PRKN: variants seen among roughly 807,000 people sequenced by gnomAD.
The protein encoded by PRKN is parkin RBR E3 ubiquitin protein ligase.
In PRKN, 56 loss-of-function variants were observed where a neutral mutation model predicts 59.5. The observed-to-expected ratio is 0.94, with a 90% CI of 0.76 to 1.18. The LOEUF is 1.18. PRKN is among the 50% of genes most tolerant of loss of function. The probability of loss-of-function intolerance (pLI) is 0.00; values close to 1 mark genes in which losing one functional copy is unlikely to be tolerated. For missense variants in PRKN, 657 were observed against 596.4 expected, an observed-to-expected ratio of 1.10 and a Z score of -1.06; for synonymous variants, 250 against 222.1, an observed-to-expected ratio of 1.13 and a Z score of -1.12.
rs374697039 is a variant in PRKN at position 162,519,564 on chromosome 6, G to C, written c.8-76091C>G. On this transcript the variant is annotated intron_variant, in intron 1 of 11. Coordinates refer to ENST00000366898, the MANE Select transcript of PRKN (RefSeq NM_004562.3). ...TATTAACATATGTGAGATTTTGTAT[G>C]TGTGTGTATGCATAAACATAGTTCA... 5.3e-5 allele frequency among the ~76,000 whole-genome samples: 8 copies of C among 152,224 alleles called. 1 individual carries two copies. The East Asian group carries it at 1.4e-3, about 26-fold the overall frequency.
At position 161,373,659 on chromosome 6, in the gene PRKN, C is replaced by T. The variant is rs1276102365; in HGVS notation, c.1167+13135G>A. On this transcript the variant is annotated intron_variant, in intron 10 of 11. Transcript: ENST00000366898. The surrounding 1 kb of genome is among the most constrained non-coding windows in gnomAD (Gnocchi z 4.8). ...CAGGGGTGATGAGTTAAATGGGCTA[C>T]ACCTCTGTGCTTGCGGGGTGCTGAG... Among the ~76,000 whole-genome samples the T allele has an allele frequency of 2.6e-5, 4 of 151,484 alleles. No homozygotes were observed. The highest frequency in any genetic ancestry group is 3.4e-3 in the Middle Eastern group (1 of 294).
At chr6:161,609,506 C>T (rs1324664005) in intron 7 of PRKN, among the ~76,000 whole-genome samples, 1 of 152,088 alleles carries the variant, frequency 6.6e-6, no homozygotes, top group East Asian at 1.9e-4. Flanking sequence ...GAGTAGTTTA[C>T]AGATATTTAA....
chr6:161,772,130 T>C (rs1226058998), intron 7 of PRKN, among the ~76,000 whole-genome samples: 1 of 152,156 alleles, frequency 6.6e-6, no homozygotes, highest in Non-Finnish European at 1.5e-5. Context: ...ATGATGGCGG[T>C]AGTGATGAAG....
chr6:161,541,804 G>C (rs1779624719), intron 9 of PRKN, among the ~76,000 whole-genome samples: 1 of 151,738 alleles, frequency 6.6e-6, no homozygotes, highest in African/African-American at 2.4e-5. Context: ...CTGGGTGACA[G>C]AGCGAGACTC....
At chr6:161,633,522 T>C (rs930376798) in intron 7 of PRKN, among the ~76,000 whole-genome samples, 1 of 152,238 alleles carries the variant, frequency 6.6e-6, no homozygotes, top group African/African-American at 2.4e-5. Flanking sequence ...ACAGACACTG[T>C]AGACAGTTTC....
intron 2 of PRKN, among the ~76,000 whole-genome samples, chr6:162,341,608 G>A (rs761361663): frequency 1.6e-4 from 25 of 152,192 alleles, no homozygotes; most frequent in Non-Finnish European, 2.8e-4. Context: ...TCCTTTGCAG[G>A]GACATGGATG....
intron 7 of PRKN, among the ~76,000 whole-genome samples, chr6:161,637,825 T>A (rs1454883316): frequency 1.3e-5 from 2 of 152,158 alleles, no homozygotes; most frequent in Non-Finnish European, 2.9e-5. Context: ...CAAATAGCTG[T>A]TGACCTAGAG....
chr6:162,533,737 G>C (rs1432240638), intron 1 of PRKN, among the ~76,000 whole-genome samples: 1 of 151,830 alleles, frequency 6.6e-6, no homozygotes, highest in South Asian at 2.1e-4. Flanking sequence ...TTGGGAGGCC[G>C]AGGCGGGCGG....
chr6:162,390,709 C>T (rs1787139204), intron 2 of PRKN, among the ~76,000 whole-genome samples: 1 of 152,046 alleles, frequency 6.6e-6, no homozygotes, highest in South Asian at 2.1e-4. Flanking sequence ...TTCCAAAGTG[C>T]TGGGATTACA....
intron 2 of PRKN, among the ~76,000 whole-genome samples, chr6:162,342,034 A>G (rs557365348): frequency 7.2e-5 from 11 of 152,192 alleles, no homozygotes; most frequent in African/African-American, 2.4e-4. Flanking sequence ...AAACCTCACT[A>G]ATTGGTATAG....
intron 2 of PRKN, among the ~76,000 whole-genome samples, chr6:162,330,064 A>G (rs1340414809): frequency 6.6e-6 from 1 of 152,216 alleles, no homozygotes; most frequent in Non-Finnish European, 1.5e-5. Flanking sequence ...AGTTCCCCTC[A>G]GGAAAGAAAT....
chr6:162,473,966 G>C (rs911815544), intron 1 of PRKN, among the ~76,000 whole-genome samples: 1 of 152,162 alleles, frequency 6.6e-6, no homozygotes, highest in Non-Finnish European at 1.5e-5. Flanking sequence ...TTTCCCACCA[G>C]CTTTCCGGTG....
intron 6 of PRKN, among the ~76,000 whole-genome samples, chr6:161,963,894 C>A (rs1367038090): frequency 6.6e-6 from 1 of 152,138 alleles, no homozygotes; most frequent in Non-Finnish European, 1.5e-5. Flanking sequence ...AAGCAGCCTG[C>A]AATTTTGCAG....
At chr6:162,428,594 T>A (rs1023923676) in intron 2 of PRKN, among the ~76,000 whole-genome samples, 1 of 152,150 alleles carries the variant, frequency 6.6e-6, no homozygotes, top group African/African-American at 2.4e-5. Context: ...GAGTTCTATA[T>A]CTCACATAGC....
chr6:161,873,720 A>C (rs899717672), intron 6 of PRKN, among the ~76,000 whole-genome samples: 1 of 151,608 alleles, frequency 6.6e-6, no homozygotes, highest in East Asian at 1.9e-4. Context: ...GTCAAAAAAA[A>C]TTCCTGTTTC....
At chr6:162,327,872 A>C (rs1258407111) in intron 2 of PRKN, among the ~76,000 whole-genome samples, 1 of 152,132 alleles carries the variant, frequency 6.6e-6, no homozygotes, top group Non-Finnish European at 1.5e-5. Flanking sequence ...ACGAAGAAGC[A>C]TAATGGAGCT....
At position 161,546,930 on chromosome 6, in the gene PRKN, C is replaced by A. The variant is rs1182145544; in HGVS notation, c.1083+1924G>T. On this transcript the variant is annotated intron_variant, in intron 9 of 11. Coordinates refer to ENST00000366898, the MANE Select transcript of PRKN (RefSeq NM_004562.3). This position sits in a 1 kb window ranked among gnomAD's most constrained non-coding sequence, Gnocchi z 4.4. ...AGTGAGGAACTGAGGACTTTTTTTG[C>A]CAACAGTCATGTGAATGAGCTACCT... 6.6e-6 allele frequency among the ~76,000 whole-genome samples: 1 copy of A among 151,930 alleles called. No homozygotes were observed. The highest frequency in any genetic ancestry group is 1.5e-5 in the Non-Finnish European group (1 of 67,994).
At position 161,593,997 on chromosome 6, in the gene PRKN, AAAC is replaced by A. The variant is rs1781821596; in HGVS notation, c.872-24584_872-24582del. 6.6e-6 allele frequency among the ~76,000 whole-genome samples: 1 copy of A among 151,866 alleles called. No individual in the cohort carries two copies. Among genetic ancestry groups the A allele is most frequent in the South Asian group, 2.1e-4 (1 of 4,802 alleles). On this transcript the variant is annotated intron_variant, in intron 7 of 11. Coordinates refer to ENST00000366898, the MANE Select transcript of PRKN (RefSeq NM_004562.3). The surrounding 1 kb of genome is among the most constrained non-coding windows in gnomAD (Gnocchi z 4.8). ...AAACCCCATCTCTACTAAAAAAAAA[AAAC>A]AAAAAACAAAAACCCAGCAGGGTAT...
rs545507290 is a variant in PRKN at position 161,792,597 on chromosome 6, A to G, written c.735-6689T>C. 1.5e-4 allele frequency among the ~76,000 whole-genome samples: 23 copies of G among 152,356 alleles called. 1 individual carries two copies. The East Asian group carries it at 3.3e-3, about 22-fold the overall frequency. On this transcript the variant is annotated intron_variant, in intron 6 of 11. Transcript: ENST00000366898. ...GTGCAAAATCCTTGAGGAAATAAAAACTAAATTTCCTCACTTGAGGGAGAG... is the reference window on the plus strand; with the variant it reads ...GTGCAAAATCCTTGAGGAAATAAAAGCTAAATTTCCTCACTTGAGGGAGAG...
Sources: allele counts gnomAD v4.1 joint callset (sites outside exome capture counted in the v4.1 genomes callset), GRCh38; gene constraint gnomAD v4.1.1; non-coding constraint Gnocchi (gnomAD v3.1); transcripts MANE v1.5; gene names NCBI Gene and HGNC (gene_info 2026-07-23, HGNC 2026-07-21).